Variants in NRXN1 observed in about 807,000 individuals in gnomAD.
NRXN1 encodes neurexin 1.
Under a neutral mutation model 150.9 loss-of-function variants are expected in NRXN1, and 39 were observed. The ratio of observed to expected loss-of-function variants is 0.26; its 90% CI spans 0.20 to 0.34. NRXN1 has a LOEUF of 0.34. Among genes scored for constraint, NRXN1 ranks in the 10% least tolerant of loss-of-function variants. The pLI, the probability that NRXN1 is intolerant of heterozygous loss-of-function variation, is 1.00. For synonymous variants in NRXN1, 924 were observed against 757.0 expected (o/e 1.22, Z -3.62); for missense variants, 1,815 against 1,949.9 (o/e 0.93, Z 1.30).
intron 17 of NRXN1, among the ~76,000 whole-genome samples, chr2:50,306,614 A>G (rs1441840390): frequency 6.6e-6 from 1 of 152,222 alleles, no homozygotes; most frequent in Non-Finnish European, 1.5e-5. Flanking sequence ...TTCCCCTTTC[A>G]AAGAAACATT....
In NRXN1 at chr2:50,919,465, T is replaced by C. The variant is rs893105347; in HGVS notation, c.832+2404A>G. On this transcript the variant is annotated intron_variant, in intron 5 of 22. Coordinates refer to ENST00000401669, the MANE Select transcript of NRXN1 (RefSeq NM_001330078.2). ...ATTCATAAAGAAGAAATCAAAATAA[T>C]GAAGATGTTCTTGAATTTATTTTTT... is the stretch of plus-strand genomic sequence containing the variant. The C allele has an allele frequency of 9.9e-5, 15 of 151,828 alleles. No homozygotes were observed. In the South Asian group the frequency reaches 2.7e-3, roughly 27 times the overall value. The allele number at this position is 151,828 out of a possible 1,614,324, so 9.4% of individuals were successfully genotyped here. A position where few individuals can be genotyped will look rare whatever the true frequency, so the allele number is the denominator to read the frequency against.
chr2:49,993,930 T>G (rs1162764590), intron 21 of NRXN1, among the ~76,000 whole-genome samples: 1 of 152,204 alleles, frequency 6.6e-6, no homozygotes, highest in Non-Finnish European at 1.5e-5. Context: ...TGATGTTTTC[T>G]GCCTTCTGTC....
At chr2:50,028,346 A>G (rs532675401) in intron 21 of NRXN1, among the ~76,000 whole-genome samples, 9 of 152,222 alleles carry the variant, frequency 5.9e-5, no homozygotes, top group African/African-American at 2.2e-4. Context: ...AGGAGACATC[A>G]AGGCATTTTA....
intron 17 of NRXN1, among the ~76,000 whole-genome samples, chr2:50,364,508 C>T (rs2079448102): frequency 6.6e-6 from 1 of 152,134 alleles, no homozygotes; most frequent in South Asian, 2.1e-4. Flanking sequence ...ATCTTCATTG[C>T]TACATTATGC....
At chr2:50,391,143 G>A (rs1421418871) in intron 17 of NRXN1, among the ~76,000 whole-genome samples, 3 of 152,056 alleles carry the variant, frequency 2.0e-5, no homozygotes, top group Non-Finnish European at 2.9e-5. Context: ...GGTCTTGGGA[G>A]TGAGGCAGGG....
chr2:49,968,428 G>A (rs1316873180), intron 21 of NRXN1, among the ~76,000 whole-genome samples: 4 of 152,118 alleles, frequency 2.6e-5, no homozygotes, highest in African/African-American at 9.6e-5. Flanking sequence ...CATGAAACCG[G>A]CTTTTAAGAA....
At chr2:50,205,527 C>T (rs1041020608) in intron 18 of NRXN1, among the ~76,000 whole-genome samples, 2 of 151,934 alleles carry the variant, frequency 1.3e-5, no homozygotes, top group African/African-American at 4.8e-5. Context: ...GAAATAGGAC[C>T]TTCAAAGTGC....
At chr2:50,275,783 A>G (rs1262885528) in intron 17 of NRXN1, among the ~76,000 whole-genome samples, 1 of 152,128 alleles carries the variant, frequency 6.6e-6, no homozygotes, top group African/African-American at 2.4e-5. Context: ...CAAATTTAAA[A>G]GAAAAGTGCC....
chr2:49,978,108 G>A (rs150990357), intron 21 of NRXN1, among the ~76,000 whole-genome samples: 311 of 152,228 alleles, frequency 2.0e-3, no homozygotes, highest in African/African-American at 7.2e-3. Context: ...GTTGCAGTGA[G>A]CTGAGATTGC....
At chr2:50,486,814 T>A (rs1297591766) in intron 15 of NRXN1, among the ~76,000 whole-genome samples, 2 of 152,130 alleles carry the variant, frequency 1.3e-5, no homozygotes, top group African/African-American at 4.8e-5. Flanking sequence ...TTGGCCTAAA[T>A]ATTGCCAACA....
chr2:49,933,550 T>A (rs1235975448), intron 22 of NRXN1, among the ~76,000 whole-genome samples: 2 of 152,146 alleles, frequency 1.3e-5, no homozygotes, highest in African/African-American at 4.8e-5. Context: ...TGCATTAGGT[T>A]CTAGTCTAGG....
At chr2:50,181,457 A>G (rs1315740465) in intron 18 of NRXN1, among the ~76,000 whole-genome samples, 1 of 152,116 alleles carries the variant, frequency 6.6e-6, no homozygotes, top group African/African-American at 2.4e-5. Context: ...CTTAAGAGAC[A>G]AAGTATCTGC....
rs146817577 is a variant in NRXN1 at position 50,150,720 on chromosome 2, C to G, written c.3547-59226G>C. Among the ~76,000 whole-genome samples, 694 of 151,794 alleles carry G rather than the reference C, an allele frequency of 4.6e-3. 3 individuals are homozygous for G. The highest frequency in any genetic ancestry group is 0.01 in the Middle Eastern group (3 of 294). On this transcript the variant is annotated intron_variant, in intron 18 of 22. Coordinates refer to ENST00000401669, the MANE Select transcript of NRXN1 (RefSeq NM_001330078.2). ...CATTTATCTTCTGCGATTTATAAAACTATACCTCCTTTTACAGGAACATGA... is the reference window on the plus strand; with the variant it reads ...CATTTATCTTCTGCGATTTATAAAAGTATACCTCCTTTTACAGGAACATGA...
intron 5 of NRXN1, among the ~76,000 whole-genome samples, chr2:50,828,949 G>A (rs371813965): frequency 0.087 from 13,230 of 152,254 alleles, 689 homozygotes; most frequent in Admixed American, 0.088. Flanking sequence ...ATTGAGCACT[G>A]AGTGAACCAG....
intron 5 of NRXN1, among the ~76,000 whole-genome samples, chr2:50,828,411 A>T (rs1320953880): frequency 8.0e-4 from 120 of 150,034 alleles, no homozygotes; most frequent in African/African-American, 2.9e-3. Context: ...TGCCGGGCGG[A>T]GGGGCTCCTC....
intron 13 of NRXN1, among the ~76,000 whole-genome samples, chr2:50,504,493 G>T (rs1381015453): frequency 3.9e-5 from 6 of 152,088 alleles, no homozygotes; most frequent in African/African-American, 1.4e-4. Context: ...AGTAGTAAAG[G>T]TATAAGGGTA....
At chr2:50,802,129 A>G (rs1262528539) in intron 5 of NRXN1, among the ~76,000 whole-genome samples, 3 of 152,156 alleles carry the variant, frequency 2.0e-5, no homozygotes, top group Admixed American at 2.0e-4. Flanking sequence ...TATAGGTTTA[A>G]TGGTGTGGCC....
intron 17 of NRXN1, among the ~76,000 whole-genome samples, chr2:50,249,393 C>A (rs967246358): frequency 6.6e-6 from 1 of 151,784 alleles, no homozygotes; most frequent in African/African-American, 2.4e-5. Flanking sequence ...CACAAACAAA[C>A]AAATCAACAA....
intron 5 of NRXN1, among the ~76,000 whole-genome samples, chr2:50,897,631 C>T (rs373255312): frequency 6.6e-6 from 1 of 152,134 alleles, no homozygotes. Flanking sequence ...GACTCTTAAA[C>T]TCACTGTGCA....
Sources: allele counts gnomAD v4.1 joint callset (sites outside exome capture counted in the v4.1 genomes callset), GRCh38; gene constraint gnomAD v4.1.1; transcripts MANE v1.5; gene names NCBI Gene and HGNC (gene_info 2026-07-23, HGNC 2026-07-21).